Variants in CEP250 observed in about 807,000 individuals in gnomAD.
The protein encoded by CEP250 is centrosome-associated protein CEP250.
CEP250 carries 242 observed loss-of-function variants against 315.7 expected under a neutral mutation model. The ratio of observed to expected loss-of-function variants is 0.77; its 90% CI spans 0.69 to 0.85. CEP250 has a LOEUF of 0.85. Ranked by LOEUF, CEP250 falls within the 40% of genes least tolerant of loss-of-function variation. The probability of loss-of-function intolerance (pLI) is 0.00; values close to 1 mark genes in which losing one functional copy is unlikely to be tolerated. For missense variants in CEP250, 2,515 were observed against 2,886.4 expected (o/e 0.87, Z 2.95); for synonymous variants, 1,088 against 1,175.0 (o/e 0.93, Z 1.51).
intron 26 of CEP250, among the ~76,000 whole-genome samples, 171 bp from the exon 27 acceptor site, chr20:35,498,424 A>T (rs1277840083): frequency 6.6e-6 from 1 of 152,236 alleles, no homozygotes; most frequent in Admixed American, 6.5e-5. Flanking sequence ...AGCACCCACC[A>T]TAGTGCCTGG....
At chr20:35,482,118 A>G (rs904369626) in intron 20 of CEP250, among the ~76,000 whole-genome samples, 8 of 152,114 alleles carry the variant, frequency 5.3e-5, no homozygotes, top group South Asian at 2.1e-4. Flanking sequence ...CACTAAGTAA[A>G]ACATTCAGAT....
At chr20:35,482,552 T>A (rs1568792183) in intron 20 of CEP250, among the ~76,000 whole-genome samples, 1 of 148,302 alleles carries the variant, frequency 6.7e-6, no homozygotes, top group Admixed American at 6.7e-5. Context: ...TATTTTTTTA[T>A]ATTTTTTTTT....
chr20:35,478,047 A>G lies in CEP250; in HGVS notation c.2040A>G (p.Ala680=). 6.2e-7 allele frequency: 1 copy of G among 1,614,156 alleles called. No homozygotes were observed. The highest frequency in any genetic ancestry group is 8.5e-7 in the Non-Finnish European group (1 of 1,180,032). ...KAEEAGAELQ[A]DLRDIQEEKE... ...AGGAGGCTGGGGCTGAGCTGCAGGC[A>G]GATCTCAGGGACATCCAAGAAGAGA... is the stretch of plus-strand genomic sequence containing the variant. Residue 680 remains alanine, a synonymous_variant, in exon 17 of 35, where the codon GCA becomes GCG. Coordinates refer to ENST00000397527, the MANE Select transcript of CEP250 (RefSeq NM_007186.6).
intron 20 of CEP250, among the ~76,000 whole-genome samples, chr20:35,481,490 T>G (rs2063341610): frequency 1.3e-5 from 2 of 152,226 alleles, no homozygotes; most frequent in Non-Finnish European, 2.9e-5. Flanking sequence ...TGTGTTCAGT[T>G]CTAACTAGTT....
chr20:35,499,972 T>C (rs2063956352), intron 27 of CEP250, 77 bp from the exon 28 acceptor site: 11 of 1,578,688 alleles, frequency 7.0e-6, no homozygotes, highest in South Asian at 2.3e-5. Context: ...AAGCTGAGAA[T>C]GAGGAGAGAG....
At chr20:35,465,605 T>C (rs2062857657) in intron 5 of CEP250, 138 bp from the exon 6 acceptor site, 2 of 603,234 alleles carry the variant, frequency 3.3e-6, no homozygotes, top group Non-Finnish European at 5.8e-6. Flanking sequence ...GATGCAGTGA[T>C]TGAGAATAGA....
At chr20:35,480,460 A>C (rs1211381910) in intron 20 of CEP250, among the ~76,000 whole-genome samples, 1 of 152,064 alleles carries the variant, frequency 6.6e-6, no homozygotes, top group Non-Finnish European at 1.5e-5. Flanking sequence ...TCTTGGATGC[A>C]TTCTTGTGCA....
intron 5 of CEP250, among the ~76,000 whole-genome samples, chr20:35,464,858 G>A (rs929716465): frequency 3.3e-5 from 5 of 152,062 alleles, no homozygotes; most frequent in African/African-American, 1.2e-4. Flanking sequence ...GGAGGCAGAG[G>A]TTGCAGTGAG....
Position 35,462,305 on chromosome 20 carries a change from C to A in CEP250, c.-63C>A. ...AAGTGGCATGGCAATGGTTAGAGAC[C>A]CTGCTGGGCGTGAACACCCTCTGGC... On this transcript the variant is annotated 5_prime_UTR_variant, in exon 4 of 35. Coordinates refer to ENST00000397527, the MANE Select transcript of CEP250 (RefSeq NM_007186.6). 1 of 1,376,894 alleles carries A rather than the reference C, an allele frequency of 7.3e-7. No homozygotes were observed. The allele number at this position is 1,376,894 out of a possible 1,614,324, so 85.3% of individuals were successfully genotyped here.
chr20:35,460,548 G>A (rs543267199), intron 3 of CEP250, among the ~76,000 whole-genome samples: 2 of 152,320 alleles, frequency 1.3e-5, no homozygotes, highest in South Asian at 4.1e-4. Flanking sequence ...GGAGACAGGC[G>A]CTGTTCAACT....
rs2147163818 is a variant in CEP250 at position 35,503,770 on chromosome 20, C to T, written c.5401C>T (p.Leu1801Phe). ...REQGELKEQS[L>F]QSQLDEAQRA... The stretch of plus-strand genomic sequence containing the variant: ...ACAAGGGGAGCTGAAGGAGCAGTCA[C>T]TTCAGAGTCAACTGGATGAGGCCCA... Residue 1801 changes from leucine to phenylalanine, a missense_variant, in exon 30 of 35, where the codon CTT (leucine) becomes TTT (phenylalanine). Physicochemically the swap from Leu to Phe is conservative, Grantham distance 22. Coordinates refer to ENST00000397527, the MANE Select transcript of CEP250 (RefSeq NM_007186.6). This position sits in a 1 kb window ranked among gnomAD's most constrained non-coding sequence, Gnocchi z 4.2. The T allele has an allele frequency of 6.2e-7, 1 of 1,613,960 alleles. No homozygotes were observed. The highest frequency in any genetic ancestry group is 8.5e-7 in the Non-Finnish European group (1 of 1,180,018).
intron 10 of CEP250, among the ~76,000 whole-genome samples, chr20:35,470,299 C>T (rs548691470): frequency 2.8e-4 from 43 of 152,214 alleles, no homozygotes; most frequent in African/African-American, 9.2e-4. Flanking sequence ...TACCAGGAAG[C>T]GGATATGTGG....
intron 28 of CEP250, among the ~76,000 whole-genome samples, chr20:35,500,440 C>G (rs1273864014): frequency 6.6e-6 from 1 of 152,132 alleles, no homozygotes; most frequent in Admixed American, 6.5e-5. Flanking sequence ...ACCATGTTCA[C>G]CAACCAGCGG....
intron 14 of CEP250, chr20:35,474,904 T>A (rs1186738835): frequency 6.4e-6 from 3 of 468,774 alleles, no homozygotes; most frequent in African/African-American, 2.0e-5. Flanking sequence ...TTGCTGTATT[T>A]CCCTCCTCTC....
Position 35,475,651 on chromosome 20 carries a change from G to A in CEP250, c.1716+5G>A, listed in dbSNP as rs2063150425. The A allele has an allele frequency of 1.9e-6, 3 of 1,612,822 alleles. No homozygotes were observed. The highest frequency in any genetic ancestry group is 1.1e-5 in the South Asian group (1 of 90,992). On this transcript the variant is annotated splice_donor_5th_base_variant and intron_variant, in intron 15 of 34. Transcript: ENST00000397527. ...GTGACCGCAGCGCTGGCTAGGGTGCGTGGCCTCCTCTCCTCACTTGCTGGG... is the reference window on the plus strand; with the variant it reads ...GTGACCGCAGCGCTGGCTAGGGTGCATGGCCTCCTCTCCTCACTTGCTGGG...
chr20:35,515,924 G>A lies in CEP250; in HGVS notation c.*4298G>A, dbSNP rs1326476346. 1 of 152,286 alleles carries A rather than the reference G, an allele frequency of 6.6e-6. No individual in the cohort carries two copies. Among genetic ancestry groups the A allele is most frequent in the Non-Finnish European group, 1.5e-5 (1 of 68,064 alleles). The allele number at this position is 152,286 out of a possible 1,614,324, so 9.4% of individuals were successfully genotyped here. A position where few individuals can be genotyped will look rare whatever the true frequency, so the allele number is the denominator to read the frequency against. ...CCTCTACCCTGCTGGAGGTGAGGAT[G>A]AGAGGTGAGACTTCGTTGGACTGTG... On this transcript the variant is annotated 3_prime_UTR_variant, in exon 35 of 35. Coordinates refer to ENST00000397527, the MANE Select transcript of CEP250 (RefSeq NM_007186.6).
At chr20:35,486,502 C>T (rs552482142) in intron 20 of CEP250, among the ~76,000 whole-genome samples, 1 of 152,074 alleles carries the variant, frequency 6.6e-6, no homozygotes, top group East Asian at 1.9e-4. Flanking sequence ...CACAGCCTCC[C>T]AAACTGCTGG....
rs1011484165 is a variant in CEP250 at position 35,473,768 on chromosome 20, A to G, written c.1389-102A>G. The G allele has an allele frequency of 1.7e-5, 20 of 1,144,774 alleles. No individual in the cohort carries two copies. The East Asian group carries it at 4.9e-4, about 28-fold the overall frequency. The allele number at this position is 1,144,774 out of a possible 1,614,324, so 70.9% of individuals were successfully genotyped here. A position where few individuals can be genotyped will look rare whatever the true frequency, so the allele number is the denominator to read the frequency against. On this transcript the variant is annotated intron_variant, in intron 13 of 34. Coordinates refer to ENST00000397527, the MANE Select transcript of CEP250 (RefSeq NM_007186.6). Reference sequence around the variant, plus strand: ...AAAAAAGTTTCGCACTAGAAACAGAAGATGGGATGTTGAAACAGGGTCTCT... The same window carrying G: ...AAAAAAGTTTCGCACTAGAAACAGAGGATGGGATGTTGAAACAGGGTCTCT...
Position 35,503,481 on chromosome 20 carries a change from G to A in CEP250, c.5112G>A (p.Gln1704=). ...GCCGGGAGCTGACCACTCAGAGGCA[G>A]CTGATGCAGGAACGGGCAGAGGAAG... is the stretch of plus-strand genomic sequence containing the variant. ...ERGRELTTQR[Q]LMQERAEEGK... Residue 1704 remains glutamine, a synonymous_variant, in exon 30 of 35, where the codon CAG becomes CAA. Transcript: ENST00000397527. The surrounding 1 kb of genome is among the most constrained non-coding windows in gnomAD (Gnocchi z 4.2). 6.2e-7 allele frequency: 1 copy of A among 1,614,202 alleles called. No individual in the cohort carries two copies. The highest frequency in any genetic ancestry group is 1.6e-4 in the Middle Eastern group (1 of 6,062).
Sources: allele counts gnomAD v4.1 joint callset (sites outside exome capture counted in the v4.1 genomes callset), GRCh38; gene constraint gnomAD v4.1.1; non-coding constraint Gnocchi (gnomAD v3.1); transcripts MANE v1.5; gene names NCBI Gene and HGNC (gene_info 2026-07-23, HGNC 2026-07-21).